TSPAN18: variants seen among roughly 807,000 people sequenced by gnomAD.
TSPAN18 encodes tetraspanin 18.
In TSPAN18, 14 loss-of-function variants were observed where a neutral mutation model predicts 27.3. That is an observed-to-expected ratio of 0.51 (90% CI 0.34 to 0.80). TSPAN18 has a LOEUF of 0.80. Ranked by LOEUF, TSPAN18 falls within the 30% of genes least tolerant of loss-of-function variation. TSPAN18 has a pLI of 0.01. For missense variants in TSPAN18, 268 were observed against 323.9 expected, an observed-to-expected ratio of 0.83 and a Z score of 1.32; for synonymous variants, 143 against 136.5, an observed-to-expected ratio of 1.05 and a Z score of -0.33.
At chr11:44,766,547 G>A (rs1042326461) in intron 2 of TSPAN18, among the ~76,000 whole-genome samples, 3 of 152,162 alleles carry the variant, frequency 2.0e-5, no homozygotes, top group Non-Finnish European at 4.4e-5. Context: ...TCTCCATCAG[G>A]GGAAGTCGTG....
At chr11:44,861,799 A>T (rs775281436) in intron 3 of TSPAN18, among the ~76,000 whole-genome samples, 1,084 of 107,170 alleles carry the variant, frequency 0.01, 11 homozygotes, top group Non-Finnish European at 7.5e-3. Flanking sequence ...AATTTCACAC[A>T]CACACACACA....
At chr11:44,805,980 A>T (rs1464966097) in intron 2 of TSPAN18, among the ~76,000 whole-genome samples, 1 of 151,818 alleles carries the variant, frequency 6.6e-6, no homozygotes, top group Non-Finnish European at 1.5e-5. Flanking sequence ...GATTCTTTCC[A>T]TATAAGGTCG....
chr11:44,870,768 A>G (rs1429507921), intron 3 of TSPAN18, among the ~76,000 whole-genome samples: 1 of 152,216 alleles, frequency 6.6e-6, no homozygotes, highest in South Asian at 2.1e-4. Flanking sequence ...TTTTATTTCA[A>G]ACACATTGTT....
intron 2 of TSPAN18, among the ~76,000 whole-genome samples, chr11:44,845,584 C>T (rs1857463134): frequency 1.3e-5 from 2 of 152,208 alleles, no homozygotes; most frequent in Admixed American, 1.3e-4. Context: ...TAGGAGGCAA[C>T]ATGTGAACTG....
intron 3 of TSPAN18, among the ~76,000 whole-genome samples, chr11:44,898,967 C>T (rs1256532611): frequency 6.6e-6 from 1 of 152,154 alleles, no homozygotes; most frequent in Non-Finnish European, 1.5e-5. Flanking sequence ...TATTAGACAC[C>T]CATCTGTAAG....
rs531726435 is a variant in TSPAN18, at chr11:44,764,685, C to G, written c.-153+173C>G. ...AAGGGTGGCTTCACTCTTGTCCTCA[C>G]CCCTAGACATTTACTCATGGGTGAG... is the stretch of plus-strand genomic sequence containing the variant. On this transcript the variant is annotated intron_variant, in intron 2 of 9. Coordinates refer to ENST00000520358, the MANE Select transcript of TSPAN18 (RefSeq NM_130783.5). 2.6e-5 allele frequency among the ~76,000 whole-genome samples: 4 copies of G among 152,308 alleles called. No individual in the cohort carries two copies. The South Asian group carries it at 8.3e-4, about 32-fold the overall frequency.
intron 1 of TSPAN18, among the ~76,000 whole-genome samples, chr11:44,745,899 C>T (rs542296978): frequency 2.4e-4 from 36 of 152,250 alleles, no homozygotes; most frequent in African/African-American, 7.0e-4. Context: ...TGGTTGCAGG[C>T]GCCTGTAGTC....
In TSPAN18 at chr11:44,913,619, C is replaced by T. The variant is rs552920740; in HGVS notation, c.258+3720C>T. Among the ~76,000 whole-genome samples the T allele has an allele frequency of 1.8e-4, 28 of 152,284 alleles. No individual in the cohort carries two copies. The South Asian group carries it at 4.3e-3, about 24-fold the overall frequency. On this transcript the variant is annotated intron_variant, in intron 5 of 9. Transcript: ENST00000520358. ...AAAAAGATAAATGAGCTGAATTGTA[C>T]ATGCAGTATGTAAATTTGGTAAATA...
chr11:44,780,551 C>T (rs1483172300), intron 2 of TSPAN18, among the ~76,000 whole-genome samples: 1 of 152,246 alleles, frequency 6.6e-6, no homozygotes, highest in African/African-American at 2.4e-5. Flanking sequence ...GACAAAGCTT[C>T]CCTTCTTCTT....
chr11:44,836,170 A>T (rs1857259999), intron 2 of TSPAN18, among the ~76,000 whole-genome samples: 1 of 152,258 alleles, frequency 6.6e-6, no homozygotes, highest in Admixed American at 6.5e-5. Flanking sequence ...GCATGCTGAA[A>T]AATGAGACAG....
chr11:44,819,626 A>G (rs542952901), intron 2 of TSPAN18, among the ~76,000 whole-genome samples: 5 of 152,052 alleles, frequency 3.3e-5, no homozygotes, highest in African/African-American at 1.2e-4. Flanking sequence ...CAGTGGAAGT[A>G]ATTATCATGA....
chr11:44,866,214 G>A (rs147104414), intron 3 of TSPAN18, among the ~76,000 whole-genome samples: 1 of 152,332 alleles, frequency 6.6e-6, no homozygotes, highest in African/African-American at 2.4e-5. Context: ...GCACATCATC[G>A]GTGCTAAATG....
intron 4 of TSPAN18, among the ~76,000 whole-genome samples, chr11:44,909,002 G>GCT (rs1243001505): frequency 1.3e-5 from 2 of 152,104 alleles, no homozygotes; most frequent in Non-Finnish European, 2.9e-5. Context: ...AAGTGGCACA[G>GCT]CTCTCTCTCT....
At chr11:44,860,708 G>A (rs1052209639) in intron 3 of TSPAN18, among the ~76,000 whole-genome samples, 9 of 152,224 alleles carry the variant, frequency 5.9e-5, no homozygotes, top group Non-Finnish European at 1.5e-5. Context: ...AACCCTCGGA[G>A]GGGCCAGACA....
At chr11:44,818,416 G>A (rs75400196) in intron 2 of TSPAN18, among the ~76,000 whole-genome samples, 8,329 of 152,318 alleles carry the variant, frequency 0.055, 268 homozygotes, top group African/African-American at 0.089. Flanking sequence ...TCCTGGCTCA[G>A]CACCCCAGCT....
chr11:44,906,147 A>C (rs1219014962), intron 3 of TSPAN18, among the ~76,000 whole-genome samples: 3 of 152,228 alleles, frequency 2.0e-5, no homozygotes, highest in Admixed American at 2.0e-4. Flanking sequence ...TTCTGTTCCT[A>C]ATCTCCGCTT....
intron 2 of TSPAN18, among the ~76,000 whole-genome samples, chr11:44,768,800 T>C (rs890588041): frequency 6.6e-6 from 1 of 152,174 alleles, no homozygotes; most frequent in African/African-American, 2.4e-5. Context: ...TGAATAGATA[T>C]TGGATTTTGT....
intron 2 of TSPAN18, among the ~76,000 whole-genome samples, chr11:44,841,115 G>C (rs1041823500): frequency 2.6e-5 from 4 of 152,172 alleles, no homozygotes; most frequent in Non-Finnish European, 5.9e-5. Context: ...TGTCTACTGC[G>C]TATGTGCCGG....
At chr11:44,744,494 G>C (rs971551953) in intron 1 of TSPAN18, among the ~76,000 whole-genome samples, 2 of 152,126 alleles carry the variant, frequency 1.3e-5, no homozygotes, top group East Asian at 3.9e-4. Context: ...CTTAGAAATG[G>C]GGGGGTAGCT....
Sources: gnomAD v4.1 joint callset for allele counts (sites outside exome capture counted in the v4.1 genomes callset) on GRCh38, gnomAD v4.1.1 for gene constraint, MANE v1.5 for transcripts, NCBI Gene and HGNC (gene_info 2026-07-23, HGNC 2026-07-21) for gene names.